SORCS1: variants seen among roughly 807,000 people sequenced by gnomAD.
SORCS1 encodes sortilin related VPS10 domain containing receptor 1, also known as VPS10 domain-containing receptor SorCS1.
SORCS1 carries 60 observed loss-of-function variants against 146.1 expected under a neutral mutation model. The observed-to-expected ratio is 0.41, with a 90% CI of 0.33 to 0.51. The LOEUF (loss-of-function observed/expected upper bound fraction) is 0.51, where lower values mean the gene tolerates loss of function less well. Ranked by LOEUF, SORCS1 falls within the 20% of genes least tolerant of loss-of-function variation. The pLI is 0.21. For synonymous variants in SORCS1, 637 were observed against 584.0 expected (o/e 1.09, Z -1.31); for missense variants, 1,352 against 1,487.6 (o/e 0.91, Z 1.50).
At chr10:106,647,485 C>T (rs973425341) in intron 18 of SORCS1, among the ~76,000 whole-genome samples, 1 of 151,484 alleles carries the variant, frequency 6.6e-6, no homozygotes. Context: ...GTGAAAATAT[C>T]ATGTGTTTGA....
chr10:106,869,113 C>T (rs1238889734), intron 2 of SORCS1, among the ~76,000 whole-genome samples: 3 of 152,082 alleles, frequency 2.0e-5, no homozygotes, highest in Non-Finnish European at 4.4e-5. Flanking sequence ...AATTTGTGGA[C>T]ACATACACCC....
At position 106,630,007 on chromosome 10, in the gene SORCS1, T is replaced by C. The variant is rs1391742972; in HGVS notation, c.2476-619A>G. Among the ~76,000 whole-genome samples, 6 of 152,312 alleles carry C rather than the reference T, an allele frequency of 3.9e-5. No individual in the cohort carries two copies. The East Asian group carries it at 1.2e-3, about 29-fold the overall frequency. On this transcript the variant is annotated intron_variant, in intron 18 of 25. Coordinates refer to ENST00000263054, the MANE Select transcript of SORCS1 (RefSeq NM_052918.5). ...TTGCAGTGTGCCAAGATCATGCCAC[T>C]GCACTCCAGCCTGATGATGGAGTGA...
intron 2 of SORCS1, among the ~76,000 whole-genome samples, chr10:106,881,027 A>C (rs1199432859): frequency 6.8e-6 from 1 of 146,328 alleles, no homozygotes; most frequent in Non-Finnish European, 1.5e-5. Flanking sequence ...CAGTGAGCTG[A>C]GATCACGTCA....
At chr10:107,101,347 A>G (rs1964911541) in intron 1 of SORCS1, among the ~76,000 whole-genome samples, 1 of 152,026 alleles carries the variant, frequency 6.6e-6, no homozygotes, top group Non-Finnish European at 1.5e-5. Flanking sequence ...TGCCCGGTCT[A>G]TTTTTTCATG....
intron 1 of SORCS1, among the ~76,000 whole-genome samples, chr10:107,097,409 C>A (rs993653224): frequency 6.6e-6 from 1 of 152,148 alleles, no homozygotes; most frequent in African/African-American, 2.4e-5. Context: ...TTTCCAGGTT[C>A]TTTCCTACTT....
In SORCS1 at chr10:107,087,432, G is replaced by A. The variant is rs1963846733; in HGVS notation, c.558+76537C>T. 2.0e-5 allele frequency among the ~76,000 whole-genome samples: 3 copies of A among 152,330 alleles called. No homozygotes were observed. The South Asian group carries it at 6.2e-4, about 32-fold the overall frequency. The stretch of plus-strand genomic sequence containing the variant: ...AAAAGACAATGTAATATAATGGAAA[G>A]TTCCTGATACATCTACGTTGATTGG... On this transcript the variant is annotated intron_variant, in intron 1 of 25. Transcript: ENST00000263054.
At chr10:107,073,061 G>C (rs1229126944) in intron 1 of SORCS1, among the ~76,000 whole-genome samples, 1 of 152,180 alleles carries the variant, frequency 6.6e-6, no homozygotes, top group African/African-American at 2.4e-5. Flanking sequence ...CCCATTCACT[G>C]TCTGGTCTCA....
intron 16 of SORCS1, among the ~76,000 whole-genome samples, chr10:106,669,506 A>C (rs775723961): frequency 6.6e-6 from 1 of 152,214 alleles, no homozygotes; most frequent in Non-Finnish European, 1.5e-5. Flanking sequence ...GTAAACGAAG[A>C]AGCAGCAGTG....
chr10:107,008,232 C>A lies in SORCS1; in HGVS notation c.559-51652G>T, dbSNP rs537096781. Among the ~76,000 whole-genome samples, 19 of 152,192 alleles carry A rather than the reference C, an allele frequency of 1.2e-4. 2 individuals are homozygous for A. Among genetic ancestry groups the A allele is most frequent in the African/African-American group, 3.9e-4 (16 of 41,500 alleles). ...TTTTTCATAAAGCCACTCAAAAAGACAGTACAATTTCATTGGTTTCCATTT... is the reference window on the plus strand; with the variant it reads ...TTTTTCATAAAGCCACTCAAAAAGAAAGTACAATTTCATTGGTTTCCATTT... On this transcript the variant is annotated intron_variant, in intron 1 of 25. Coordinates refer to ENST00000263054, the MANE Select transcript of SORCS1 (RefSeq NM_052918.5).
intron 1 of SORCS1, among the ~76,000 whole-genome samples, chr10:107,023,305 C>T (rs1014208857): frequency 3.3e-5 from 5 of 152,260 alleles, no homozygotes; most frequent in South Asian, 4.1e-4. Flanking sequence ...TGCATCAAAC[C>T]GAAACGATCA....
rs370032142 is a variant in SORCS1 at position 107,151,723 on chromosome 10, C to A, written c.558+12246G>T. Among the ~76,000 whole-genome samples, 7 of 152,256 alleles carry A rather than the reference C, an allele frequency of 4.6e-5. No individual in the cohort carries two copies. The East Asian group carries it at 1.4e-3, about 29-fold the overall frequency. ...ATATCATTCTTGCTATGCAAAGAGA[C>A]TGGTGGCATTTTGCCCCTGCCCTAG... On this transcript the variant is annotated intron_variant, in intron 1 of 25. Transcript: ENST00000263054.
intron 1 of SORCS1, among the ~76,000 whole-genome samples, chr10:107,150,565 C>T (rs1447983849): frequency 6.6e-6 from 1 of 152,212 alleles, no homozygotes; most frequent in East Asian, 1.9e-4. Context: ...AGGACCAGTT[C>T]TTCTATGCCC....
intron 1 of SORCS1, among the ~76,000 whole-genome samples, chr10:107,159,908 T>C (rs533460367): frequency 1.3e-5 from 2 of 151,958 alleles, no homozygotes; most frequent in East Asian, 3.9e-4. Flanking sequence ...GTGTCTATAA[T>C]ATCAGATTTG....
chr10:107,118,022 T>C (rs1966148715), intron 1 of SORCS1, among the ~76,000 whole-genome samples: 1 of 152,178 alleles, frequency 6.6e-6, no homozygotes, highest in Admixed American at 6.5e-5. Context: ...CAGAATGCTA[T>C]AGACTGAATG....
chr10:107,031,414 A>G (rs1423113799), intron 1 of SORCS1, among the ~76,000 whole-genome samples: 1 of 152,108 alleles, frequency 6.6e-6, no homozygotes, highest in African/African-American at 2.4e-5. Context: ...GCCTATAGCC[A>G]TTTCAAGAAT....
chr10:106,666,067 C>T (rs542006922), intron 17 of SORCS1, among the ~76,000 whole-genome samples: 1 of 152,170 alleles, frequency 6.6e-6, no homozygotes, highest in East Asian at 1.9e-4. Context: ...GTCTCGATCT[C>T]CTGACCTTGT....
chr10:106,754,202 T>C (rs2136205339), intron 5 of SORCS1, among the ~76,000 whole-genome samples: 1 of 152,310 alleles, frequency 6.6e-6, no homozygotes, highest in East Asian at 1.9e-4. Context: ...GATTTAATGC[T>C]AGGAGTTTTT....
chr10:107,109,687 C>G (rs765775279), intron 1 of SORCS1, among the ~76,000 whole-genome samples: 4 of 152,240 alleles, frequency 2.6e-5, no homozygotes, highest in Non-Finnish European at 5.9e-5. Flanking sequence ...ATGCAAATTT[C>G]TCTAGCAAGC....
chr10:106,917,433 T>C (rs939943431), intron 2 of SORCS1, among the ~76,000 whole-genome samples: 2 of 152,224 alleles, frequency 1.3e-5, no homozygotes, highest in Non-Finnish European at 2.9e-5. Context: ...ATCAAGGCTC[T>C]ATATCTCTTG....
Sources: allele counts gnomAD v4.1 joint callset (sites outside exome capture counted in the v4.1 genomes callset), GRCh38; gene constraint gnomAD v4.1.1; transcripts MANE v1.5; gene names NCBI Gene and HGNC (gene_info 2026-07-23, HGNC 2026-07-21).